UBTD2: variants seen among roughly 807,000 people sequenced by gnomAD.
UBTD2 encodes the protein ubiquitin domain containing 2.
In UBTD2, 9 loss-of-function variants were observed where a neutral mutation model predicts 19.8. The ratio of observed to expected loss-of-function variants is 0.46; its 90% CI spans 0.27 to 0.79. UBTD2 has a LOEUF of 0.79. UBTD2 is among the 30% of genes least tolerant of loss of function. The pLI, the probability that UBTD2 is intolerant of heterozygous loss-of-function variation, is 0.14. For synonymous variants in UBTD2, 98 were observed against 103.9 expected, an observed-to-expected ratio of 0.94 and a Z score of 0.35; for missense variants, 250 against 300.4, an observed-to-expected ratio of 0.83 and a Z score of 1.24.
chr5:172,243,380 T>C (rs1772168951), intron 1 of UBTD2, among the ~76,000 whole-genome samples: 1 of 151,918 alleles, frequency 6.6e-6, no homozygotes. Flanking sequence ...GATGGGGCAC[T>C]GAATGGGACT....
At chr5:172,230,577 G>A (rs1771869070) in intron 2 of UBTD2, among the ~76,000 whole-genome samples, 1 of 152,130 alleles carries the variant, frequency 6.6e-6, no homozygotes. Flanking sequence ...TGAGAGAATT[G>A]AAGCTTACAG....
At chr5:172,280,310 C>T (rs1218182012) in intron 1 of UBTD2, among the ~76,000 whole-genome samples, 1 of 151,694 alleles carries the variant, frequency 6.6e-6, no homozygotes, top group Non-Finnish European at 1.5e-5. Context: ...GAGTTCAAGA[C>T]CAGCCAGGCC....
intron 1 of UBTD2, chr5:172,254,459 A>C: frequency 2.0e-6 from 1 of 493,844 alleles, no homozygotes; most frequent in South Asian, 2.5e-5. Context: ...GACACTGTAA[A>C]GGTTTGATTC....
chr5:172,227,111 G>C lies in UBTD2; in HGVS notation c.307+7011C>G, dbSNP rs370489339. 5.9e-5 allele frequency among the ~76,000 whole-genome samples: 9 copies of C among 152,144 alleles called. No homozygotes were observed. The East Asian group carries it at 1.4e-3, about 23-fold the overall frequency. On this transcript the variant is annotated intron_variant, in intron 2 of 2. Transcript: ENST00000393792. ...ATCTGGCTTTACAGAAGTAGAAGTT[G>C]GTATAACATACTCCCTGGGACCATG...
chr5:172,239,861 A>T (rs979366394), intron 1 of UBTD2, among the ~76,000 whole-genome samples: 1 of 151,970 alleles, frequency 6.6e-6, no homozygotes, highest in African/African-American at 2.4e-5. Flanking sequence ...CCGAGATCAC[A>T]CCATTGCACT....
In UBTD2 at chr5:172,232,954, A is replaced by G. The variant is rs1012878489; in HGVS notation, c.307+1168T>C. Among the ~76,000 whole-genome samples the G allele has an allele frequency of 6.6e-5, 10 of 152,160 alleles. No homozygotes were observed. The East Asian group carries it at 1.7e-3, about 26-fold the overall frequency. On this transcript the variant is annotated intron_variant, in intron 2 of 2. Transcript: ENST00000393792. ...GTCAGGAGCTGAGACCAGCCTAGCC[A>G]ACATGGTGAAACCCTGTCTCTACTA... is the stretch of plus-strand genomic sequence containing the variant.
intron 1 of UBTD2, chr5:172,242,508 T>A: frequency 1.2e-6 from 1 of 812,126 alleles, no homozygotes; most frequent in Non-Finnish European, 1.5e-6. Flanking sequence ...TTTAACTTGT[T>A]CCTTTACCCT....
chr5:172,222,382 A>G (rs1771669269), intron 2 of UBTD2, among the ~76,000 whole-genome samples: 2 of 152,244 alleles, frequency 1.3e-5, no homozygotes, highest in African/African-American at 4.8e-5. Context: ...GTCACTGCAT[A>G]GACATTTACT....
chr5:172,266,756 G>T (rs75576202), intron 1 of UBTD2, among the ~76,000 whole-genome samples: 2,790 of 152,250 alleles, frequency 0.018, 74 homozygotes, highest in African/African-American at 0.064. Flanking sequence ...CCAAAAGTTG[G>T]CCGGCTGCAG....
intron 2 of UBTD2, among the ~76,000 whole-genome samples, chr5:172,212,696 G>A (rs1771474367): frequency 6.6e-6 from 1 of 152,198 alleles, no homozygotes; most frequent in African/African-American, 2.4e-5. Context: ...ATGGAGTGTC[G>A]CTGTGTTGCC....
At position 172,280,469 on chromosome 5, in the gene UBTD2, C is replaced by T. The variant is rs79355422; in HGVS notation, c.70+3127G>A. 6.4e-4 allele frequency among the ~76,000 whole-genome samples: 91 copies of T among 143,088 alleles called. 2 individuals carry two copies. In the East Asian group the frequency reaches 0.017, roughly 27 times the overall value. The allele number at this position is 143,088 out of a possible 152,430, so 93.9% of individuals were successfully genotyped here. ...AGGCTGCAGTGAGCAGAGATCGTGC[C>T]ACTGTACCGCAGCCTGGGCGACAGA... On this transcript the variant is annotated intron_variant, in intron 1 of 2. Coordinates refer to ENST00000393792, the MANE Select transcript of UBTD2 (RefSeq NM_152277.3).
intron 1 of UBTD2, among the ~76,000 whole-genome samples, chr5:172,282,349 A>T (rs1278991527): frequency 6.6e-6 from 1 of 152,214 alleles, no homozygotes; most frequent in Non-Finnish European, 1.5e-5. Flanking sequence ...TTTTCAAGAC[A>T]ACTTCCACTG....
At position 172,210,338 on chromosome 5, in the gene UBTD2, G is replaced by T. The variant is rs904601649; in HGVS notation, c.*1492C>A. 1 of 152,242 alleles carries T rather than the reference G, an allele frequency of 6.6e-6. No homozygotes were observed. The highest frequency in any genetic ancestry group is 2.1e-4 in the South Asian group (1 of 4,824). The allele number at this position is 152,242 out of a possible 1,614,324, so 9.4% of individuals were successfully genotyped here. Reference sequence around the variant, plus strand: ...AATAATGCACTTCACATCCAAACAGGTGTGGAGGGCTGACATTTTCCAACT... The same window carrying T: ...AATAATGCACTTCACATCCAAACAGTTGTGGAGGGCTGACATTTTCCAACT... On this transcript the variant is annotated 3_prime_UTR_variant, in exon 3 of 3. Transcript: ENST00000393792.
intron 2 of UBTD2, among the ~76,000 whole-genome samples, chr5:172,212,831 A>C (rs371687114): frequency 8.0e-6 from 1 of 124,460 alleles, no homozygotes; most frequent in African/African-American, 2.7e-5. Flanking sequence ...TACCCGGCTA[A>C]TTTTTTGTAT....
intron 2 of UBTD2, among the ~76,000 whole-genome samples, chr5:172,233,276 A>C (rs928295461): frequency 6.6e-6 from 1 of 152,238 alleles, no homozygotes; most frequent in African/African-American, 2.4e-5. Flanking sequence ...TACAATAATG[A>C]ATAGAATCAA....
At chr5:172,264,712 C>T (rs1332037015) in intron 1 of UBTD2, among the ~76,000 whole-genome samples, 2 of 151,818 alleles carry the variant, frequency 1.3e-5, no homozygotes, top group South Asian at 2.1e-4. Context: ...CCCATTTCTA[C>T]AAAAAATAAA....
intron 2 of UBTD2, among the ~76,000 whole-genome samples, chr5:172,222,378 G>A (rs1167112484): frequency 1.3e-5 from 2 of 152,180 alleles, no homozygotes; most frequent in African/African-American, 4.8e-5. Context: ...TAGAGTCACT[G>A]CATAGACATT....
intron 1 of UBTD2, among the ~76,000 whole-genome samples, chr5:172,273,976 A>G (rs1006360805): frequency 6.6e-6 from 1 of 151,892 alleles, no homozygotes; most frequent in Admixed American, 6.6e-5. Context: ...AAATGTCCTA[A>G]AAGTCTCTTG....
intron 1 of UBTD2, among the ~76,000 whole-genome samples, chr5:172,250,984 A>G (rs1056282092): frequency 6.6e-6 from 1 of 150,418 alleles, no homozygotes; most frequent in Non-Finnish European, 1.5e-5. Flanking sequence ...AGGAAGAAAA[A>G]GGAAGAAAAG....
Sources: gnomAD v4.1 joint callset for allele counts (sites outside exome capture counted in the v4.1 genomes callset) on GRCh38, gnomAD v4.1.1 for gene constraint, MANE v1.5 for transcripts, NCBI Gene and HGNC (gene_info 2026-07-23, HGNC 2026-07-21) for gene names.